The following WWP2 variants were observed in gnomAD, a reference collection of about 807,000 sequenced individuals.
The protein encoded by WWP2 is NEDD4-like E3 ubiquitin-protein ligase WWP2.
In WWP2, 57 loss-of-function variants were observed where a neutral mutation model predicts 121.0. The ratio of observed to expected loss-of-function variants is 0.47; its 90% confidence interval spans 0.38 to 0.59. The LOEUF (loss-of-function observed/expected upper bound fraction) is 0.59. Among genes scored for constraint, WWP2 ranks in the 20% least tolerant of loss-of-function variants. The pLI is 0.00. For missense variants in WWP2, 962 were observed against 1,158.9 expected (o/e 0.83, Z 2.47); for synonymous variants, 449 against 441.3 (o/e 1.02, Z -0.22).
chr16:69,818,150 G>C (rs926841340), intron 4 of WWP2, among the ~76,000 whole-genome samples: 5 of 150,754 alleles, frequency 3.3e-5, no homozygotes, highest in African/African-American at 1.2e-4. Context: ...ATTTCTCTTT[G>C]TTATTTTATT....
chr16:69,879,080 T>G (rs2057781569), intron 7 of WWP2, among the ~76,000 whole-genome samples: 1 of 152,230 alleles, frequency 6.6e-6, no homozygotes, highest in Non-Finnish European at 1.5e-5. Context: ...ACTAGTTGCT[T>G]AACTATTTCT....
chr16:69,847,143 G>T (rs1046189433), intron 6 of WWP2, among the ~76,000 whole-genome samples: 1 of 152,074 alleles, frequency 6.6e-6, no homozygotes, highest in African/African-American at 2.4e-5. Context: ...GGAGTGCAGT[G>T]CCACGATCTC....
intron 4 of WWP2, among the ~76,000 whole-genome samples, chr16:69,828,918 C>T (rs190318840): frequency 1.2e-4 from 19 of 152,214 alleles, no homozygotes; most frequent in African/African-American, 4.6e-4. Flanking sequence ...ACGTATCTGA[C>T]GACTCTCTTG....
chr16:69,895,243 G>T (rs2058089697), intron 8 of WWP2: 1 of 152,198 alleles, frequency 6.6e-6, no homozygotes, highest in Non-Finnish European at 1.5e-5. Context: ...CGCTGCCATT[G>T]AATTTCATTC....
intron 6 of WWP2, among the ~76,000 whole-genome samples, chr16:69,849,859 A>ATTAG (rs35714501): frequency 5.3e-5 from 1 of 18,880 alleles, no homozygotes; most frequent in East Asian, 0.011. Flanking sequence ...ACATTGGTTT[A>ATTAG]TTTTGCATCA....
At chr16:69,794,030 G>A (rs1426323442) in intron 2 of WWP2, among the ~76,000 whole-genome samples, 1 of 146,036 alleles carries the variant, frequency 6.8e-6, no homozygotes, top group South Asian at 2.1e-4. Context: ...CGATTCTCGT[G>A]TCTTAGCCTC....
At position 69,934,104 on chromosome 16, in the gene WWP2, G is replaced by A. The variant is rs776194189; in HGVS notation, c.1817G>A (p.Arg606His). 9.9e-6 allele frequency: 16 copies of A among 1,613,990 alleles called. No homozygotes were observed. The highest frequency in any genetic ancestry group is 4.0e-5 in the African/African-American group (3 of 74,908). ...AACCCGGACCACCTCACCTACTTTCGCTTTATAGGCAGATTCATCGCCATG... is the reference window on the plus strand; with the variant it reads ...AACCCGGACCACCTCACCTACTTTCACTTTATAGGCAGATTCATCGCCATG... Reference protein sequence around the residue: ...SINPDHLTYFRFIGRFIAMAL... With the variant: ...SINPDHLTYFHFIGRFIAMAL... Residue 606 changes from arginine (R) to histidine (H), a missense_variant, in exon 17 of 24, where the codon CGC becomes CAC. Physicochemically the swap from Arg to His is conservative, Grantham distance 29 (BLOSUM62 0). This residue lies in a region of WWP2 where 606 missense variants were observed against 772.6 expected (regional missense o/e 0.78). Coordinates refer to ENST00000359154, the MANE Select transcript of WWP2 (RefSeq NM_001270454.2).
chr16:69,776,937 T>C (rs1342975278), intron 1 of WWP2, among the ~76,000 whole-genome samples: 1 of 152,152 alleles, frequency 6.6e-6, no homozygotes, highest in African/African-American at 2.4e-5. Flanking sequence ...TTGTTTAATC[T>C]AAAACCCTAC....
chr16:69,845,256 G>A (rs982777492), intron 6 of WWP2, among the ~76,000 whole-genome samples: 2 of 152,050 alleles, frequency 1.3e-5, no homozygotes, highest in Non-Finnish European at 2.9e-5. Context: ...AGTGGCAGTG[G>A]GTTTTCTTTG....
At chr16:69,817,008 T>C (rs780014514) in intron 4 of WWP2, among the ~76,000 whole-genome samples, 5 of 152,220 alleles carry the variant, frequency 3.3e-5, no homozygotes, top group Non-Finnish European at 7.3e-5. Flanking sequence ...CCTCTATACA[T>C]TCTGCCTTCC....
rs1022496377 is a variant in WWP2, at chr16:69,773,138, C to T, written c.-16+10747C>T. ...TTTGTTTCCTTAGCAACAGTCCTGA[C>T]GGGGAGCTCCTTCATTGTATTCTGT... On this transcript the variant is annotated intron_variant, in intron 1 of 23. Transcript: ENST00000359154. Among the ~76,000 whole-genome samples the T allele has an allele frequency of 4.0e-5, 6 of 151,468 alleles. No homozygotes were observed. The East Asian group carries it at 7.8e-4, about 20-fold the overall frequency.
chr16:69,857,204 A>G (rs1347673278), intron 6 of WWP2, among the ~76,000 whole-genome samples: 1 of 151,790 alleles, frequency 6.6e-6, no homozygotes, highest in Admixed American at 6.6e-5. Flanking sequence ...CTGGGGTTCA[A>G]GCGATTCTCC....
chr16:69,887,508 C>T (rs894662720), intron 7 of WWP2, among the ~76,000 whole-genome samples: 4 of 152,042 alleles, frequency 2.6e-5, no homozygotes, highest in Admixed American at 6.6e-5. Context: ...CGGGTTCAAG[C>T]GATTCTCCTG....
intron 7 of WWP2, among the ~76,000 whole-genome samples, chr16:69,872,954 G>T (rs1027925072): frequency 6.6e-6 from 1 of 152,236 alleles, no homozygotes; most frequent in Admixed American, 6.5e-5. Flanking sequence ...CTCAAAGATT[G>T]TCAAATCTTT....
intron 4 of WWP2, among the ~76,000 whole-genome samples, chr16:69,805,273 C>T (rs997246593): frequency 9.9e-5 from 15 of 151,970 alleles, no homozygotes; most frequent in African/African-American, 1.4e-4. Context: ...TGACCTCAGG[C>T]GATTTGCCTG....
In WWP2 at chr16:69,937,777, A is replaced by G; in HGVS notation, c.2343+125A>G. The G allele has an allele frequency of 1.2e-6, 1 of 843,406 alleles. No individual in the cohort carries two copies. The highest frequency in any genetic ancestry group is 1.9e-6 in the Non-Finnish European group (1 of 537,456). 52.2% of individuals were successfully genotyped at this position (843,406 alleles called of 1,614,324 possible). A position where few individuals can be genotyped will look rare whatever the true frequency, so the allele number is the denominator to read the frequency against. On this transcript the variant is annotated intron_variant, in intron 21 of 23. Transcript: ENST00000359154. This position sits in a 1 kb window ranked among gnomAD's most constrained non-coding sequence, Gnocchi z 6.6. ...CCTGTCCTTGCCTCCCACACCTTGCAAAAGGAGACGATAGACCAGCCTTGG... is the reference window on the plus strand; with the variant it reads ...CCTGTCCTTGCCTCCCACACCTTGCGAAAGGAGACGATAGACCAGCCTTGG...
chr16:69,808,557 A>G (rs1244835213), intron 4 of WWP2, among the ~76,000 whole-genome samples: 1 of 152,178 alleles, frequency 6.6e-6, no homozygotes, highest in Non-Finnish European at 1.5e-5. Context: ...ACCTGCCACC[A>G]TGCGTGGCTA....
intron 10 of WWP2, among the ~76,000 whole-genome samples, chr16:69,920,812 A>T (rs1053740978): frequency 2.0e-5 from 3 of 152,110 alleles, no homozygotes; most frequent in African/African-American, 7.2e-5. Flanking sequence ...AATAAAATGC[A>T]TTAAAGCAAT....
chr16:69,930,075 A>G (rs2058690805), intron 12 of WWP2, 55 bp from the exon 13 acceptor site: 2 of 1,609,750 alleles, frequency 1.2e-6, no homozygotes, highest in Admixed American at 3.4e-5. Flanking sequence ...GCCTCCAACC[A>G]CCAAGGTCCA....
Sources: allele counts gnomAD v4.1 joint callset (sites outside exome capture counted in the v4.1 genomes callset), GRCh38; gene constraint gnomAD v4.1.1; regional missense constraint gnomAD v4.1.1; non-coding constraint Gnocchi (gnomAD v3.1); transcripts MANE v1.5; gene names NCBI Gene and HGNC (gene_info 2026-07-23, HGNC 2026-07-21).